The following CDH13 variants were observed in gnomAD, a reference collection of about 807,000 sequenced individuals.
CDH13 encodes cadherin 13.
CDH13 carries 24 observed loss-of-function variants against 63.8 expected under a neutral mutation model. That is an observed-to-expected ratio of 0.38 (90% CI 0.27 to 0.53). The LOEUF (loss-of-function observed/expected upper bound fraction) is 0.53, where lower values mean the gene tolerates loss of function less well. Among genes scored for constraint, CDH13 ranks in the 20% least tolerant of loss-of-function variants. CDH13 has a pLI of 0.85. For synonymous variants in CDH13, 503 were observed against 355.3 expected (o/e 1.42, Z -4.67); for missense variants, 1,049 against 903.1 (o/e 1.16, Z -2.07).
chr16:83,390,294 G>A (rs2091761173), intron 6 of CDH13, among the ~76,000 whole-genome samples: 1 of 152,098 alleles, frequency 6.6e-6, no homozygotes, highest in South Asian at 2.1e-4. Flanking sequence ...TATGGCCTGT[G>A]GGCAGTGGTC....
chr16:82,983,335 C>T (rs1468607256), intron 2 of CDH13, among the ~76,000 whole-genome samples: 2 of 152,132 alleles, frequency 1.3e-5, no homozygotes, highest in Non-Finnish European at 2.9e-5. Context: ...CCCATTTTTT[C>T]TCACCCGGCT....
At chr16:82,707,597 G>A (rs1390899948) in intron 1 of CDH13, among the ~76,000 whole-genome samples, 11 of 152,172 alleles carry the variant, frequency 7.2e-5, no homozygotes, top group Admixed American at 2.0e-4. Flanking sequence ...AGCACTCAGG[G>A]GTGCAGAGGG....
intron 2 of CDH13, among the ~76,000 whole-genome samples, chr16:82,983,563 A>G (rs1168774194): frequency 6.6e-6 from 1 of 152,126 alleles, no homozygotes; most frequent in East Asian, 1.9e-4. Context: ...CACCAAGAAG[A>G]GAATGTGGGA....
At chr16:83,111,738 A>G (rs1463433541) in intron 3 of CDH13, among the ~76,000 whole-genome samples, 1 of 152,234 alleles carries the variant, frequency 6.6e-6, no homozygotes, top group East Asian at 1.9e-4. Context: ...GATCATATCA[A>G]TAGATCGTCA....
intron 10 of CDH13, chr16:83,725,651 C>T (rs1037265523): frequency 2.0e-5 from 3 of 152,248 alleles, no homozygotes; most frequent in African/African-American, 7.2e-5. Context: ...CCAAAAACAG[C>T]AACAAAGTGA....
intron 2 of CDH13, among the ~76,000 whole-genome samples, chr16:82,995,552 T>A (rs74429987): frequency 0.022 from 3,305 of 152,276 alleles, 46 homozygotes; most frequent in South Asian, 0.031. Flanking sequence ...CAAGCCACCA[T>A]TCCAATTCTG....
chr16:82,666,590 C>T (rs1241959688), intron 1 of CDH13, among the ~76,000 whole-genome samples: 1 of 152,212 alleles, frequency 6.6e-6, no homozygotes, highest in Non-Finnish European at 1.5e-5. Flanking sequence ...TCTGACATAA[C>T]AACAACTACT....
At chr16:83,499,724 T>C (rs1472585702) in intron 7 of CDH13, among the ~76,000 whole-genome samples, 1 of 152,246 alleles carries the variant, frequency 6.6e-6, no homozygotes, top group Non-Finnish European at 1.5e-5. Flanking sequence ...TAGCTGAGCA[T>C]GAGCTATTGC....
At chr16:82,835,608 T>G (rs1008002585) in intron 1 of CDH13, among the ~76,000 whole-genome samples, 2 of 152,322 alleles carry the variant, frequency 1.3e-5, no homozygotes, top group African/African-American at 4.8e-5. Context: ...CCAGGGGCAG[T>G]AGGTGCATAC....
chr16:82,730,937 G>A, intron 1 of CDH13, among the ~76,000 whole-genome samples: 1 of 152,228 alleles, frequency 6.6e-6, no homozygotes, highest in Admixed American at 6.5e-5. Flanking sequence ...GGTAATATGG[G>A]CACAAAACTG....
At chr16:83,369,283 A>G (rs2091318318) in intron 6 of CDH13, among the ~76,000 whole-genome samples, 1 of 152,020 alleles carries the variant, frequency 6.6e-6, no homozygotes, top group South Asian at 2.1e-4. Flanking sequence ...TAGTAGCAGT[A>G]TATCTCTCCA....
chr16:82,643,054 G>A (rs756321603), intron 1 of CDH13, among the ~76,000 whole-genome samples: 2 of 152,304 alleles, frequency 1.3e-5, no homozygotes, highest in African/African-American at 2.4e-5. Flanking sequence ...CTGGGGGCAG[G>A]AGGAAATGGG....
At chr16:82,869,110 A>C (rs1424440275) in intron 2 of CDH13, among the ~76,000 whole-genome samples, 1 of 152,128 alleles carries the variant, frequency 6.6e-6, no homozygotes, top group East Asian at 1.9e-4. Flanking sequence ...GCAGTGGCGC[A>C]ATCTCAACTC....
chr16:83,255,920 A>G (rs750586632), intron 5 of CDH13, among the ~76,000 whole-genome samples: 9 of 152,222 alleles, frequency 5.9e-5, no homozygotes, highest in Non-Finnish European at 1.3e-4. Context: ...TAGTTGGCAT[A>G]GAAAAGGAGG....
intron 5 of CDH13, among the ~76,000 whole-genome samples, chr16:83,270,672 C>T (rs575467139): frequency 1.2e-4 from 18 of 152,256 alleles, no homozygotes; most frequent in African/African-American, 4.3e-4. Context: ...CTCTCCCTCA[C>T]GCTTAGAGGA....
At chr16:83,110,554 C>T (rs907571171) in intron 3 of CDH13, among the ~76,000 whole-genome samples, 7 of 152,194 alleles carry the variant, frequency 4.6e-5, no homozygotes, top group African/African-American at 2.4e-5. Context: ...GCAGCACATG[C>T]TCAGTCACCG....
intron 8 of CDH13, among the ~76,000 whole-genome samples, chr16:83,645,321 C>T (rs1010984747): frequency 7.2e-5 from 11 of 152,142 alleles, no homozygotes; most frequent in Admixed American, 7.2e-4. Context: ...TGCATGTTCT[C>T]ACTTGTAAGT....
At chr16:83,296,417 G>A (rs564623720) in intron 5 of CDH13, among the ~76,000 whole-genome samples, 1 of 152,166 alleles carries the variant, frequency 6.6e-6, no homozygotes, top group Non-Finnish European at 1.5e-5. Flanking sequence ...GGAGTTCATG[G>A]TAGGGAAGAA....
chr16:82,999,134 C>T (rs757363557), intron 2 of CDH13, among the ~76,000 whole-genome samples: 2 of 152,136 alleles, frequency 1.3e-5, no homozygotes, highest in African/African-American at 2.4e-5. Context: ...CATTATGTTA[C>T]ATTCTTTGGA....
Sources: gnomAD v4.1 joint callset for allele counts (sites outside exome capture counted in the v4.1 genomes callset) on GRCh38, gnomAD v4.1.1 for gene constraint, MANE v1.5 for transcripts, NCBI Gene and HGNC (gene_info 2026-07-23, HGNC 2026-07-21) for gene names.